The following CEMIP variants were observed in gnomAD, a reference collection of about 807,000 sequenced individuals.
The protein encoded by CEMIP is cell migration inducing hyaluronidase 1.
Under a neutral mutation model 156.9 loss-of-function variants are expected in CEMIP, and 105 were observed. The ratio of observed to expected loss-of-function variants is 0.67; its 90% CI spans 0.57 to 0.79. The LOEUF is 0.79. CEMIP is among the 30% of genes least tolerant of loss of function. The pLI is 0.00. For missense variants in CEMIP, 1,457 were observed against 1,769.4 expected (o/e 0.82, Z 3.17); for synonymous variants, 676 against 668.4 (o/e 1.01, Z -0.17).
In CEMIP at chr15:80,906,771, A is replaced by G; in HGVS notation, c.1520A>G (p.Lys507Arg). 6.2e-7 allele frequency: 1 copy of G among 1,614,134 alleles called. No individual in the cohort carries two copies. The highest frequency in any genetic ancestry group is 8.5e-7 in the Non-Finnish European group (1 of 1,180,022). ...ATAGTGATGGGGGAGATGGAGGACA[A>G]ATGCTACCCCTACAGAAACCACATC... ...NIIVMGEMED[K>R]CYPYRNHICN... Residue 507 changes from lysine to arginine, a missense_variant, in exon 13 of 30, where the codon AAA (lysine) becomes AGA (arginine). Coordinates refer to ENST00000394685, the MANE Select transcript of CEMIP (RefSeq NM_001293298.2). The surrounding 1 kb of genome is among the most constrained non-coding windows in gnomAD (Gnocchi z 4.3).
intron 1 of CEMIP, among the ~76,000 whole-genome samples, 196 bp from the exon 2 acceptor site, chr15:80,873,342 G>C (rs886162719): frequency 6.6e-6 from 1 of 152,102 alleles, no homozygotes; most frequent in African/African-American, 2.4e-5. Flanking sequence ...TATTATCCGG[G>C]ACTGGATTAG....
intron 17 of CEMIP, among the ~76,000 whole-genome samples, chr15:80,923,425 C>T (rs1049551127): frequency 1.3e-5 from 2 of 152,066 alleles, no homozygotes; most frequent in African/African-American, 2.4e-5. Flanking sequence ...ACCCCTCACA[C>T]GCACCCCTTG....
chr15:80,916,473 G>T (rs11072957), intron 14 of CEMIP, among the ~76,000 whole-genome samples: 3 of 152,074 alleles, frequency 2.0e-5, no homozygotes, highest in Non-Finnish European at 2.9e-5. Context: ...GCAAGAGAAT[G>T]GGGGGAGAAC....
chr15:80,900,108 A>C (rs1409205094), intron 12 of CEMIP, among the ~76,000 whole-genome samples: 1 of 152,190 alleles, frequency 6.6e-6, no homozygotes, highest in African/African-American at 2.4e-5. Flanking sequence ...GGGTCACCCC[A>C]AGGCCTGCAC....
rs758067945 is a variant in CEMIP at position 80,942,018 on chromosome 15, G to C, written c.3577G>C (p.Val1193Leu). 2 of 1,613,644 alleles carry C rather than the reference G, an allele frequency of 1.2e-6. No individual in the cohort carries two copies. The highest frequency in any genetic ancestry group is 3.3e-5 in the Admixed American group (2 of 59,966). ...GTTCACCGAGAGGGCTGTCGTAGAC[G>C]TGCCGATGCCCAAGAAGCTCTTTGG... Reference protein sequence around the residue: ...PKFTERAVVDVPMPKKLFGSQ... With the variant: ...PKFTERAVVDLPMPKKLFGSQ... The change falls in exon 26 of 30, where the codon GTG becomes CTG. Residue 1193 changes from valine to leucine, a missense_variant. Coordinates refer to ENST00000394685, the MANE Select transcript of CEMIP (RefSeq NM_001293298.2).
intron 1 of CEMIP, among the ~76,000 whole-genome samples, chr15:80,803,083 G>A (rs1022385725): frequency 9.9e-5 from 15 of 152,100 alleles, no homozygotes; most frequent in East Asian, 1.9e-4. Context: ...CTTCATTCAC[G>A]CTTCTCAGAG....
intron 15 of CEMIP, among the ~76,000 whole-genome samples, 158 bp downstream of exon 15, chr15:80,920,457 C>T (rs967770840): frequency 6.6e-6 from 1 of 152,246 alleles, no homozygotes; most frequent in Non-Finnish European, 1.5e-5. Flanking sequence ...CAGCTTCCTG[C>T]AAAGCAGGTG....
intron 1 of CEMIP, among the ~76,000 whole-genome samples, chr15:80,856,013 A>G (rs1415574383): frequency 1.3e-5 from 2 of 152,262 alleles, no homozygotes; most frequent in Non-Finnish European, 2.9e-5. Flanking sequence ...CCTTGTACAA[A>G]GGTCTACATA....
At chr15:80,917,016 G>A (rs963780498) in intron 14 of CEMIP, among the ~76,000 whole-genome samples, 6 of 152,170 alleles carry the variant, frequency 3.9e-5, no homozygotes, top group Admixed American at 2.6e-4. Flanking sequence ...AGTGACTTGG[G>A]GCAACTTTCT....
chr15:80,786,598 A>C (rs1895945959), intron 1 of CEMIP, among the ~76,000 whole-genome samples: 1 of 108,662 alleles, frequency 9.2e-6, no homozygotes, highest in Non-Finnish European at 1.8e-5. Context: ...GTGTGTGTCC[A>C]TCAACAATTT....
At chr15:80,787,171 A>G (rs1379548155) in intron 1 of CEMIP, among the ~76,000 whole-genome samples, 2 of 152,178 alleles carry the variant, frequency 1.3e-5, no homozygotes, top group African/African-American at 2.4e-5. Context: ...GCTGCCCCTC[A>G]CTGATGAGTG....
chr15:80,944,621 T>C (rs1297390592), intron 28 of CEMIP, among the ~76,000 whole-genome samples: 1 of 152,148 alleles, frequency 6.6e-6, no homozygotes, highest in Non-Finnish European at 1.5e-5. Context: ...TTTTGGATAA[T>C]GGGATTTTGC....
chr15:80,857,176 G>A lies in CEMIP; in HGVS notation c.-175-16362G>A, dbSNP rs79183567. Among the ~76,000 whole-genome samples the A allele has an allele frequency of 3.2e-3, 488 of 152,352 alleles. 3 individuals are homozygous for A. Among genetic ancestry groups the A allele is most frequent in the African/African-American group, 0.011 (457 of 41,590 alleles). On this transcript the variant is annotated intron_variant, in intron 1 of 29. Coordinates refer to ENST00000394685, the MANE Select transcript of CEMIP (RefSeq NM_001293298.2). ...TCTATCTGCTGTGCAAACATTCCCT[G>A]TCTCTGCCCTTCCTGGGTTTGTGTG...
chr15:80,873,817 C>G (rs1418810054), intron 2 of CEMIP, 47 bp from the exon 3 acceptor site: 5 of 1,398,852 alleles, frequency 3.6e-6, no homozygotes, highest in Non-Finnish European at 4.9e-6. Context: ...TATACTGATT[C>G]CAGCCTGCCA....
chr15:80,850,754 G>T lies in CEMIP; in HGVS notation c.-175-22784G>T, dbSNP rs554179180. Among the ~76,000 whole-genome samples, 15 of 152,274 alleles carry T rather than the reference G, an allele frequency of 9.9e-5. No individual in the cohort carries two copies. In the East Asian group the frequency reaches 2.1e-3, roughly 22 times the overall value. ...CCTGGCTCAGTTTTCTCCCAGGTCT[G>T]TCAGCTCACCCCCTTACTCATCAGG... On this transcript the variant is annotated intron_variant, in intron 1 of 29. Coordinates refer to ENST00000394685, the MANE Select transcript of CEMIP (RefSeq NM_001293298.2).
chr15:80,852,321 G>A (rs910058245), intron 1 of CEMIP, among the ~76,000 whole-genome samples: 7 of 152,086 alleles, frequency 4.6e-5, no homozygotes, highest in Non-Finnish European at 1.0e-4. Flanking sequence ...GCACACAGAA[G>A]GCCCTTGAAG....
chr15:80,782,778 A>C (rs913117171), intron 1 of CEMIP, among the ~76,000 whole-genome samples: 7 of 152,250 alleles, frequency 4.6e-5, no homozygotes, highest in Admixed American at 4.6e-4. Flanking sequence ...ACAGATGCTC[A>C]GAATCTTTCT....
At chr15:80,829,896 TCA>T (rs1422970943) in intron 1 of CEMIP, among the ~76,000 whole-genome samples, 1 of 152,028 alleles carries the variant, frequency 6.6e-6, no homozygotes, top group African/African-American at 2.4e-5. Flanking sequence ...AAATCTCTTC[TCA>T]CAAATCTCCA....
chr15:80,942,342 G>C lies in CEMIP; in HGVS notation c.3699+5G>C. On this transcript the variant is annotated splice_donor_5th_base_variant and intron_variant, in intron 27 of 29. Transcript: ENST00000394685. ...AACGACTTCGCTTACATTGAAGTAAGTGCCTCTGGCCCCTGGAGGATTCGG... is the reference window on the plus strand; with the variant it reads ...AACGACTTCGCTTACATTGAAGTAACTGCCTCTGGCCCCTGGAGGATTCGG... 6.2e-7 allele frequency: 1 copy of C among 1,611,604 alleles called. No individual in the cohort carries two copies. The highest frequency in any genetic ancestry group is 8.5e-7 in the Non-Finnish European group (1 of 1,177,702).
Sources: allele counts gnomAD v4.1 joint callset (sites outside exome capture counted in the v4.1 genomes callset), GRCh38; gene constraint gnomAD v4.1.1; non-coding constraint Gnocchi (gnomAD v3.1); transcripts MANE v1.5; gene names NCBI Gene and HGNC (gene_info 2026-07-23, HGNC 2026-07-21).